AUTS2: variants seen among roughly 807,000 people sequenced by gnomAD.
AUTS2 encodes the protein autism susceptibility gene 2 protein.
A neutral mutation model predicts 112.4 loss-of-function variants in AUTS2; 17 were observed. The observed-to-expected ratio is 0.15, with a 90% CI of 0.10 to 0.23. The LOEUF (loss-of-function observed/expected upper bound fraction) is 0.23, where lower values mean the gene tolerates loss of function less well. AUTS2 is among the 10% of genes least tolerant of loss of function. The pLI, the probability that AUTS2 is intolerant of heterozygous loss-of-function variation, is 1.00. For missense variants in AUTS2, 1,510 were observed against 1,701.6 expected, an observed-to-expected ratio of 0.89 and a Z score of 1.98; for synonymous variants, 751 against 702.7, an observed-to-expected ratio of 1.07 and a Z score of -1.09.
At chr7:70,683,705 G>A (rs893653260) in intron 5 of AUTS2, among the ~76,000 whole-genome samples, 7 of 152,264 alleles carry the variant, frequency 4.6e-5, no homozygotes, top group African/African-American at 1.7e-4. Context: ...GACCAGAGAG[G>A]AGCTGGCGGG....
At chr7:70,492,551 C>G (rs1159637168) in intron 5 of AUTS2, among the ~76,000 whole-genome samples, 2 of 152,094 alleles carry the variant, frequency 1.3e-5, no homozygotes, top group Non-Finnish European at 2.9e-5. Flanking sequence ...TAGCTGTGGC[C>G]GAAGTGGGTA....
intron 6 of AUTS2, among the ~76,000 whole-genome samples, chr7:70,731,113 G>A (rs551430175): frequency 6.6e-6 from 1 of 152,050 alleles, no homozygotes; most frequent in Non-Finnish European, 1.5e-5. Context: ...TTGTTGAGTT[G>A]TAATAGTTCT....
chr7:69,744,619 G>T (rs1787408182), intron 1 of AUTS2, among the ~76,000 whole-genome samples: 1 of 150,808 alleles, frequency 6.6e-6, no homozygotes, highest in African/African-American at 2.4e-5. Context: ...TATTGCTTGA[G>T]CTCAGGACTT....
At chr7:70,269,026 G>A (rs1399478020) in intron 4 of AUTS2, among the ~76,000 whole-genome samples, 2 of 152,170 alleles carry the variant, frequency 1.3e-5, no homozygotes, top group Non-Finnish European at 2.9e-5. Context: ...GGGTCATTGA[G>A]GAAGCTGGGC....
At chr7:70,093,799 G>A (rs1335691779) in intron 2 of AUTS2, among the ~76,000 whole-genome samples, 8 of 152,356 alleles carry the variant, frequency 5.3e-5, no homozygotes, top group African/African-American at 1.7e-4. Flanking sequence ...CTGTGTGAAT[G>A]TAGAACTTGT....
At chr7:70,077,439 T>A (rs1803088954) in intron 2 of AUTS2, among the ~76,000 whole-genome samples, 1 of 152,228 alleles carries the variant, frequency 6.6e-6, no homozygotes, top group African/African-American at 2.4e-5. Flanking sequence ...TATCTGTACC[T>A]GTCATCTTTA....
intron 2 of AUTS2, among the ~76,000 whole-genome samples, chr7:70,009,831 G>T (rs1799716742): frequency 6.6e-6 from 1 of 152,150 alleles, no homozygotes; most frequent in African/African-American, 2.4e-5. Context: ...CTCTGGCTTA[G>T]CTCTAGTGAG....
intron 2 of AUTS2, among the ~76,000 whole-genome samples, chr7:69,925,554 TTAAA>T (rs1360654527): frequency 2.6e-5 from 4 of 152,198 alleles, no homozygotes; most frequent in Non-Finnish European, 5.9e-5. Flanking sequence ...GTTTATTACA[TTAAA>T]TCAGTCAATT....
At chr7:70,607,973 A>G (rs1235803010) in intron 5 of AUTS2, among the ~76,000 whole-genome samples, 1 of 152,246 alleles carries the variant, frequency 6.6e-6, no homozygotes, top group African/African-American at 2.4e-5. Context: ...AAATAGTCAT[A>G]TGATACGACT....
intron 1 of AUTS2, among the ~76,000 whole-genome samples, chr7:69,766,074 A>C (rs1008522013): frequency 2.0e-5 from 3 of 152,212 alleles, no homozygotes; most frequent in Admixed American, 6.5e-5. Context: ...TGCAAAACTG[A>C]AACTGTCTAC....
chr7:70,558,516 A>G (rs138090825), intron 5 of AUTS2, among the ~76,000 whole-genome samples: 2 of 152,264 alleles, frequency 1.3e-5, no homozygotes, highest in East Asian at 1.9e-4. Flanking sequence ...GTGGCCTGTT[A>G]TCAAGAGAAG....
intron 4 of AUTS2, among the ~76,000 whole-genome samples, chr7:70,378,194 A>G (rs919021261): frequency 9.9e-5 from 15 of 152,198 alleles, no homozygotes; most frequent in African/African-American, 3.1e-4. Flanking sequence ...TCACTTATGA[A>G]TGGACACTTG....
intron 4 of AUTS2, among the ~76,000 whole-genome samples, chr7:70,191,938 G>T (rs1175349516): frequency 1.3e-5 from 2 of 151,784 alleles, no homozygotes; most frequent in Non-Finnish European, 2.9e-5. Flanking sequence ...GTGGTGGTGG[G>T]TGCCTATAAT....
At chr7:70,533,058 T>G (rs1267886569) in intron 5 of AUTS2, among the ~76,000 whole-genome samples, 1 of 152,320 alleles carries the variant, frequency 6.6e-6, no homozygotes, top group South Asian at 2.1e-4. Flanking sequence ...AGGAGATGCC[T>G]CAGCATTTTA....
chr7:70,688,023 C>T (rs919954912), intron 5 of AUTS2, among the ~76,000 whole-genome samples: 4 of 152,172 alleles, frequency 2.6e-5, no homozygotes, highest in Admixed American at 1.3e-4. Context: ...AACCTGTTGA[C>T]TCCAGTTCTC....
intron 2 of AUTS2, among the ~76,000 whole-genome samples, chr7:70,070,304 C>T (rs186623731): frequency 4.2e-4 from 64 of 151,586 alleles, no homozygotes; most frequent in African/African-American, 1.5e-3. Flanking sequence ...GGATGCTGGG[C>T]GCAGTGGCCT....
intron 4 of AUTS2, among the ~76,000 whole-genome samples, chr7:70,264,979 G>C (rs1433469308): frequency 6.6e-6 from 1 of 152,146 alleles, no homozygotes; most frequent in Admixed American, 6.5e-5. Flanking sequence ...GATAAGATGT[G>C]GTCTCTGGAT....
chr7:70,468,573 G>A (rs1797255957), intron 5 of AUTS2, among the ~76,000 whole-genome samples: 1 of 152,182 alleles, frequency 6.6e-6, no homozygotes, highest in African/African-American at 2.4e-5. Flanking sequence ...TTGGAGAAAG[G>A]TGGGACATCA....
chr7:70,427,646 T>C (rs73175928), intron 4 of AUTS2, among the ~76,000 whole-genome samples: 9,796 of 152,306 alleles, frequency 0.064, 363 homozygotes, highest in African/African-American at 0.1. Flanking sequence ...TTGGACAACC[T>C]GATTTCTGTC....
Sources: gnomAD v4.1 joint callset for allele counts (sites outside exome capture counted in the v4.1 genomes callset) on GRCh38, gnomAD v4.1.1 for gene constraint, MANE v1.5 for transcripts, NCBI Gene and HGNC (gene_info 2026-07-23, HGNC 2026-07-21) for gene names.